GNPTAB: variants seen among roughly 807,000 people sequenced by gnomAD.
GNPTAB encodes the protein N-acetylglucosamine-1-phosphate transferase subunits alpha and beta.
GNPTAB carries 92 observed loss-of-function variants against 136.6 expected under a neutral mutation model. The observed-to-expected ratio is 0.67, with a 90% CI of 0.57 to 0.80. The LOEUF (loss-of-function observed/expected upper bound fraction) is 0.80. Ranked by LOEUF, GNPTAB falls within the 30% of genes least tolerant of loss-of-function variation. The pLI, the probability that GNPTAB is intolerant of heterozygous loss-of-function variation, is 0.00. For missense variants in GNPTAB, 1,343 were observed against 1,501.8 expected (o/e 0.89, Z 1.75); for synonymous variants, 512 against 535.1 (o/e 0.96, Z 0.60).
chr12:101,766,468 T>A (rs1953095882), intron 11 of GNPTAB, among the ~76,000 whole-genome samples, 174 bp from the exon 12 acceptor site: 1 of 152,090 alleles, frequency 6.6e-6, no homozygotes, highest in Non-Finnish European at 1.5e-5. Flanking sequence ...TAAAACCCCA[T>A]CTCTGCTAAA....
chr12:101,780,003 G>C, intron 7 of GNPTAB, 149 bp downstream of exon 7: 1 of 788,314 alleles, frequency 1.3e-6, no homozygotes, highest in South Asian at 1.5e-5. Flanking sequence ...TTAAAAGTAA[G>C]GAGTGAGGCT....
chr12:101,828,550 TTGGGAGGC>T, intron 1 of GNPTAB, among the ~76,000 whole-genome samples: 1 of 152,134 alleles, frequency 6.6e-6, no homozygotes, highest in African/African-American at 2.4e-5. Context: ...TCCCAGCTAC[TTGGGAGGC>T]TGAGACATGA....
At chr12:101,766,332 T>C (rs753892694) in intron 11 of GNPTAB, 38 bp from the exon 12 acceptor site, 5 of 1,576,112 alleles carry the variant, frequency 3.2e-6, no homozygotes, top group Non-Finnish European at 4.4e-6. Context: ...CTTGCTGTAA[T>C]TACAATTTTG....
intron 11 of GNPTAB, among the ~76,000 whole-genome samples, chr12:101,766,598 A>T (rs2137119737): frequency 6.6e-6 from 1 of 152,268 alleles, no homozygotes; most frequent in South Asian, 2.1e-4. Flanking sequence ...AGATTACACC[A>T]CTGCACTCCA....
intron 4 of GNPTAB, among the ~76,000 whole-genome samples, chr12:101,788,119 T>C (rs968018408): frequency 2.0e-5 from 3 of 152,218 alleles, no homozygotes; most frequent in African/African-American, 7.2e-5. Context: ...GTTGTTGGGC[T>C]AAATCTCCTT....
intron 1 of GNPTAB, among the ~76,000 whole-genome samples, chr12:101,823,323 G>C (rs1870912171): frequency 6.6e-6 from 1 of 152,120 alleles, no homozygotes. Context: ...AGCAGGCATG[G>C]TTAAGGCCAG....
At chr12:101,806,535 T>C (rs774932702) in intron 1 of GNPTAB, among the ~76,000 whole-genome samples, 35 of 152,184 alleles carry the variant, frequency 2.3e-4, no homozygotes, top group Non-Finnish European at 4.4e-4. Flanking sequence ...AGTTATATAA[T>C]TAAAAATAGC....
intron 8 of GNPTAB, 45 bp downstream of exon 8, chr12:101,770,951 C>T: frequency 1.3e-6 from 2 of 1,574,094 alleles, no homozygotes; most frequent in Admixed American, 1.7e-5. Flanking sequence ...TTTTTAACAT[C>T]TTAACCTTTG....
chr12:101,782,303 G>GTT (rs55653689), intron 5 of GNPTAB, among the ~76,000 whole-genome samples: 67 of 150,514 alleles, frequency 4.5e-4, no homozygotes, highest in African/African-American at 1.5e-3. Flanking sequence ...GAATATATAA[G>GTT]TTTTTTTTTT....
chr12:101,770,289 A>G, intron 9 of GNPTAB, 98 bp from the exon 10 acceptor site: 1 of 1,418,078 alleles, frequency 7.1e-7, no homozygotes, highest in Non-Finnish European at 1.0e-6. Flanking sequence ...GAAGAGCTAG[A>G]GAAAGGAAGA....
Position 101,829,355 on chromosome 12 carries a change from C to A in GNPTAB, c.117+1204G>T, listed in dbSNP as rs900399000. Among the ~76,000 whole-genome samples, 5 of 151,974 alleles carry A rather than the reference C, an allele frequency of 3.3e-5. No individual in the cohort carries two copies. The South Asian group carries it at 1.0e-3, about 32-fold the overall frequency. On this transcript the variant is annotated intron_variant, in intron 1 of 20. Coordinates refer to ENST00000299314, the MANE Select transcript of GNPTAB (RefSeq NM_024312.5). ...CAAAAATTAGCTGTGCATGGTGGTA[C>A]GCGCCTGTAGTCCCAGCTACTCAGG... is the stretch of plus-strand genomic sequence containing the variant.
In GNPTAB at chr12:101,796,735, A is replaced by T; in HGVS notation, c.145T>A (p.Tyr49Asn). The T allele has an allele frequency of 2.5e-6, 4 of 1,612,802 alleles. No homozygotes were observed. Among genetic ancestry groups the T allele is most frequent in the Non-Finnish European group, 3.4e-6 (4 of 1,179,202 alleles). ...EVVLEWSRDQ[Y>N]HVLFDSYRDN... ...CTATAGGAATCAAACAAAACATGGT[A>T]TTGATCTCGGCTCCATTCCAGAACC... The change falls in exon 2 of 21, where the codon TAC becomes AAC. Residue 49 changes from tyrosine (Y) to asparagine (N), a missense_variant. Coordinates refer to ENST00000299314, the MANE Select transcript of GNPTAB (RefSeq NM_024312.5).
chr12:101,824,624 G>T (rs796644501), intron 1 of GNPTAB, among the ~76,000 whole-genome samples: 1 of 150,666 alleles, frequency 6.6e-6, no homozygotes, highest in African/African-American at 2.4e-5. Flanking sequence ...GCACCACCAC[G>T]CCCAGTTAAT....
At chr12:101,768,263 G>T (rs1953123514) in intron 10 of GNPTAB, 103 bp from the exon 11 acceptor site, 2 of 1,354,094 alleles carry the variant, frequency 1.5e-6, no homozygotes, top group Admixed American at 4.0e-5. Flanking sequence ...TCTCTAGAAA[G>T]ATTAAAATTT....
chr12:101,826,947 GTTGTT>G (rs1871112800), intron 1 of GNPTAB, among the ~76,000 whole-genome samples: 2 of 119,654 alleles, frequency 1.7e-5, no homozygotes, highest in African/African-American at 6.0e-5. Context: ...CCCTGTGGGA[GTTGTT>G]TTTTTTTTTT....
chr12:101,761,586 C>G lies in GNPTAB; in HGVS notation c.2893G>C (p.Val965Leu). The G allele has an allele frequency of 3.1e-6, 5 of 1,614,188 alleles. No individual in the cohort carries two copies. The highest frequency in any genetic ancestry group is 4.2e-6 in the Non-Finnish European group (5 of 1,180,004). The change falls in exon 14 of 21, where the codon GTT becomes CTT. Residue 965 changes from valine (V) to leucine (L), a missense_variant. By Grantham distance (32) the Val-to-Leu change is conservative. Coordinates refer to ENST00000299314, the MANE Select transcript of GNPTAB (RefSeq NM_024312.5). ...TACATATCTTGCAGTTCTTGCATAACAATCCGGTCAATCATGTGAGGCATG... is the reference window on the plus strand; with the variant it reads ...TACATATCTTGCAGTTCTTGCATAAGAATCCGGTCAATCATGTGAGGCATG... Reference protein sequence around the residue: ...AHMPHMIDRIVMQELQDMFPE... With the variant: ...AHMPHMIDRILMQELQDMFPE...
chr12:101,806,461 A>C (rs1727628196), intron 1 of GNPTAB, among the ~76,000 whole-genome samples: 1 of 152,214 alleles, frequency 6.6e-6, no homozygotes, highest in African/African-American at 2.4e-5. Context: ...GGGGCGATGA[A>C]AAAGTTTGGG....
intron 16 of GNPTAB, among the ~76,000 whole-genome samples, chr12:101,758,749 T>G (rs912852442): frequency 2.0e-5 from 3 of 152,252 alleles, no homozygotes; most frequent in Admixed American, 2.0e-4. Flanking sequence ...GGCTGCCACT[T>G]GTCACACTGT....
chr12:101,759,465 C>T, intron 16 of GNPTAB, among the ~76,000 whole-genome samples: 1 of 105,188 alleles, frequency 9.5e-6, no homozygotes, highest in East Asian at 2.9e-4. Context: ...AAAAAATTAA[C>T]AGAAAATAGC....
Sources: allele counts gnomAD v4.1 joint callset (sites outside exome capture counted in the v4.1 genomes callset), GRCh38; gene constraint gnomAD v4.1.1; transcripts MANE v1.5; gene names NCBI Gene and HGNC (gene_info 2026-07-23, HGNC 2026-07-21).